Variants in KAZN observed in about 807,000 individuals in gnomAD.
KAZN encodes kazrin.
In KAZN, 40 loss-of-function variants were observed where a neutral mutation model predicts 87.4. The ratio of observed to expected loss-of-function variants is 0.46; its 90% confidence interval spans 0.36 to 0.60. The LOEUF (loss-of-function observed/expected upper bound fraction) is 0.60, where lower values mean the gene tolerates loss of function less well. KAZN is among the 20% of genes least tolerant of loss of function. The probability of loss-of-function intolerance (pLI) is 0.00; values close to 1 mark genes in which losing one functional copy is unlikely to be tolerated. For missense variants in KAZN, 898 were observed against 1,073.9 expected (o/e 0.84, Z 2.29); for synonymous variants, 466 against 458.3 (o/e 1.02, Z -0.22).
rs796202116 is a variant in KAZN, at chr1:15,110,481, T to TTGTGTA, written c.2049-1941_2049-1940insATGTGT. Among the ~76,000 whole-genome samples the TTGTGTA allele has an allele frequency of 6.4e-3, 546 of 85,132 alleles. 5 individuals are homozygous for TTGTGTA. The highest frequency in any genetic ancestry group is 0.026 in the African/African-American group (521 of 19,724). 55.8% of individuals were successfully genotyped at this position (85,132 alleles called of 152,430 possible). A position where few individuals can be genotyped will look rare whatever the true frequency, so the allele number is the denominator to read the frequency against. On this transcript the variant is annotated intron_variant, in intron 13 of 14. Coordinates refer to ENST00000376030, the MANE Select transcript of KAZN (RefSeq NM_201628.3). Reference sequence around the variant, plus strand: ...TGTGTGTGTTTGTATGTTTGTGTATTTGTGTGTGTATGTATGTGTGTGTAT... The same window carrying TTGTGTA: ...TGTGTGTGTTTGTATGTTTGTGTATTTGTGTATGTGTGTGTATGTATGTGTGTGTAT...
chr1:14,487,309 C>T (rs543069918), intron 2 of KAZN, among the ~76,000 whole-genome samples: 52 of 152,172 alleles, frequency 3.4e-4, no homozygotes, highest in Non-Finnish European at 1.2e-4. Context: ...AAGTAATGGA[C>T]AATATGTAAG....
chr1:14,726,793 A>C (rs1293179849), intron 1 of KAZN, among the ~76,000 whole-genome samples: 2 of 152,204 alleles, frequency 1.3e-5, no homozygotes. Context: ...GCCCCGCCCC[A>C]GACCTGCTGA....
intron 2 of KAZN, among the ~76,000 whole-genome samples, chr1:14,340,888 CT>C (rs3085672): frequency 5.2e-4 from 54 of 103,152 alleles, no homozygotes; most frequent in South Asian, 3.5e-3. Context: ...ATGATTTTCC[CT>C]TTTTTTTTTT....
At chr1:14,511,814 A>G (rs776211217) in intron 2 of KAZN, among the ~76,000 whole-genome samples, 3 of 152,178 alleles carry the variant, frequency 2.0e-5, no homozygotes, top group Non-Finnish European at 2.9e-5. Context: ...TTCGACAATC[A>G]TGTACTAAAA....
At chr1:14,537,216 C>T (rs1009951679) in intron 2 of KAZN, among the ~76,000 whole-genome samples, 34 of 152,132 alleles carry the variant, frequency 2.2e-4, no homozygotes, top group African/African-American at 8.2e-4. Flanking sequence ...CAATTCTCTC[C>T]AAACATCAGG....
chr1:14,241,302 G>A (rs1648916576), intron 2 of KAZN, among the ~76,000 whole-genome samples: 2 of 152,228 alleles, frequency 1.3e-5, no homozygotes, highest in Non-Finnish European at 2.9e-5. Flanking sequence ...GGCCTCCACT[G>A]AAGGTGTGAA....
In KAZN at chr1:13,982,212, G is replaced by A. The variant is rs116701654; in HGVS notation, c.91+88456G>A. ...GACGTGTTTTCCCTTCTCAGCAAGA[G>A]TGGGCTGCCTCACAGTGCCCACCTC... On this transcript the variant is annotated intron_variant, in intron 1 of 16. Coordinates refer to the KAZN transcript ENST00000636203. 3.9e-3 allele frequency among the ~76,000 whole-genome samples: 597 copies of A among 152,310 alleles called. 9 individuals are homozygous for A. Among genetic ancestry groups the A allele is most frequent in the South Asian group, 0.039 (188 of 4,816 alleles).
chr1:14,327,191 T>C (rs1656496559), intron 2 of KAZN, among the ~76,000 whole-genome samples: 1 of 152,220 alleles, frequency 6.6e-6, no homozygotes, highest in Non-Finnish European at 1.5e-5. Flanking sequence ...GATTTTCTTT[T>C]TATAAGTTAG....
Position 14,964,650 on chromosome 1 carries a change from G to A in KAZN, c.418+3775G>A, listed in dbSNP as rs576308298. Among the ~76,000 whole-genome samples the A allele has an allele frequency of 4.6e-5, 7 of 152,272 alleles. No homozygotes were observed. In the South Asian group the frequency reaches 1.2e-3, roughly 27 times the overall value. ...CATAATGAGGAGAGGGGGAATAAACGCACAAGCCGAGCAAGCAGCAGATGT... is the reference window on the plus strand; with the variant it reads ...CATAATGAGGAGAGGGGGAATAAACACACAAGCCGAGCAAGCAGCAGATGT... On this transcript the variant is annotated intron_variant, in intron 2 of 14. Coordinates refer to ENST00000376030, the MANE Select transcript of KAZN (RefSeq NM_201628.3).
intron 1 of KAZN, among the ~76,000 whole-genome samples, chr1:14,026,770 C>T (rs891510857): frequency 6.6e-6 from 1 of 152,166 alleles, no homozygotes; most frequent in South Asian, 2.1e-4. Context: ...AAGTGAATAG[C>T]ACAGCCCTGC....
intron 1 of KAZN, among the ~76,000 whole-genome samples, chr1:13,993,940 G>C (rs1448021314): frequency 2.0e-5 from 3 of 152,176 alleles, no homozygotes; most frequent in Admixed American, 6.5e-5. Context: ...TTAAAATTGG[G>C]AGCCATTTTG....
chr1:14,638,786 A>G (rs991267929), intron 1 of KAZN, among the ~76,000 whole-genome samples: 11 of 152,118 alleles, frequency 7.2e-5, no homozygotes, highest in African/African-American at 2.2e-4. Context: ...GCCGCCATCA[A>G]TTGTCTCCTG....
intron 1 of KAZN, among the ~76,000 whole-genome samples, chr1:14,722,121 A>G (rs533380820): frequency 6.6e-6 from 1 of 151,884 alleles, no homozygotes; most frequent in African/African-American, 2.4e-5. Flanking sequence ...CACTGCACTC[A>G]GCCTAAGCGT....
At chr1:14,151,678 C>T (rs1190438622) in intron 1 of KAZN, among the ~76,000 whole-genome samples, 1 of 152,138 alleles carries the variant, frequency 6.6e-6, no homozygotes, top group Non-Finnish European at 1.5e-5. Context: ...TCTTAGCACC[C>T]AGAGAAAGTG....
intron 1 of KAZN, chr1:14,924,615 A>G: frequency 1.0e-6 from 1 of 980,964 alleles, no homozygotes; most frequent in Non-Finnish European, 1.2e-6. Context: ...GCGCGGACAC[A>G]GGCCCAGGAG....
At chr1:14,106,351 C>T (rs1644374494) in intron 1 of KAZN, among the ~76,000 whole-genome samples, 1 of 152,188 alleles carries the variant, frequency 6.6e-6, no homozygotes, top group African/African-American at 2.4e-5. Flanking sequence ...CAGGATTCTG[C>T]CAAAACTTGC....
At chr1:14,881,007 C>G (rs16851000) in intron 1 of KAZN, among the ~76,000 whole-genome samples, 2,691 of 152,276 alleles carry the variant, frequency 0.018, 92 homozygotes, top group African/African-American at 0.061. Flanking sequence ...GGTAAGAAAA[C>G]GAATGACAGT....
intron 11 of KAZN, among the ~76,000 whole-genome samples, chr1:15,102,327 AGACCCGAAGGAG>A (rs1641103626): frequency 6.6e-6 from 1 of 152,198 alleles, no homozygotes; most frequent in African/African-American, 2.4e-5. Context: ...GACTAAATTG[AGACCCGAAGGAG>A]GAACCCCAGG....
intron 1 of KAZN, among the ~76,000 whole-genome samples, chr1:14,844,728 G>C (rs1444031832): frequency 6.6e-6 from 1 of 151,968 alleles, no homozygotes. Flanking sequence ...GCTTCCACCA[G>C]GTTGGTAGGG....
Sources: gnomAD v4.1 joint callset for allele counts (sites outside exome capture counted in the v4.1 genomes callset) on GRCh38, gnomAD v4.1.1 for gene constraint, MANE v1.5 for transcripts, NCBI Gene and HGNC (gene_info 2026-07-23, HGNC 2026-07-21) for gene names.